C1QTNF3: variants seen among roughly 807,000 people sequenced by gnomAD.
The protein encoded by C1QTNF3 is C1q and TNF related 3.
Under a neutral mutation model 32.6 loss-of-function variants are expected in C1QTNF3, and 26 were observed. The observed-to-expected ratio is 0.80, with a 90% CI of 0.58 to 1.11. The LOEUF (loss-of-function observed/expected upper bound fraction) is 1.11, where lower values mean the gene tolerates loss of function less well. Ranked by LOEUF, C1QTNF3 falls within the 50% of genes least tolerant of loss-of-function variation. The pLI is 0.00. For synonymous variants in C1QTNF3, 155 were observed against 146.0 expected (o/e 1.06, Z -0.44); for missense variants, 362 against 398.2 (o/e 0.91, Z 0.77).
At chr5:34,171,214 T>C in the C1QTNF3 span, among the ~76,000 whole-genome samples, 1 of 151,326 alleles carries the variant, frequency 6.6e-6, no homozygotes, top group African/African-American at 2.4e-5. Context: ...GTTCAGGGTT[T>C]CCACCGAGAT....
the C1QTNF3 span, among the ~76,000 whole-genome samples, chr5:34,209,135 T>C: frequency 3.3e-5 from 5 of 152,282 alleles, no homozygotes; most frequent in African/African-American, 9.6e-5. Flanking sequence ...TCTAGGGAGA[T>C]ATTACACCTT....
chr5:34,160,921 GAA>G, the C1QTNF3 span, among the ~76,000 whole-genome samples: 1 of 151,968 alleles, frequency 6.6e-6, no homozygotes, highest in Non-Finnish European at 1.5e-5. Context: ...AAAAAAGAAA[GAA>G]TAAGAATTTC....
the C1QTNF3 span, among the ~76,000 whole-genome samples, chr5:34,156,776 T>C: frequency 5.6e-4 from 85 of 152,166 alleles, no homozygotes; most frequent in African/African-American, 1.6e-3. Flanking sequence ...TGGAAGAAAT[T>C]GAAGATGAGA....
the C1QTNF3 span, among the ~76,000 whole-genome samples, chr5:34,183,577 C>T: frequency 6.7e-6 from 1 of 150,082 alleles, no homozygotes. Flanking sequence ...GTGACCCACC[C>T]GCCTCAGTCT....
At chr5:34,026,031 G>GC (rs1200676890) in intron 4 of C1QTNF3, among the ~76,000 whole-genome samples, 11 of 152,072 alleles carry the variant, frequency 7.2e-5, no homozygotes, top group African/African-American at 2.4e-4. Flanking sequence ...AATCTGACAG[G>GC]GCCACTGCCT....
At chr5:34,177,709 G>C in the C1QTNF3 span, among the ~76,000 whole-genome samples, 2 of 151,338 alleles carry the variant, frequency 1.3e-5, no homozygotes, top group African/African-American at 2.4e-5. Flanking sequence ...AGCTGGACTT[G>C]AACTCTTGGC....
the C1QTNF3 span, among the ~76,000 whole-genome samples, chr5:34,145,701 A>T: frequency 6.7e-3 from 1,014 of 150,982 alleles, 17 homozygotes; most frequent in African/African-American, 0.022. Context: ...AAAAAAAATC[A>T]AAAACAAAAC....
At chr5:34,161,082 T>C in the C1QTNF3 span, among the ~76,000 whole-genome samples, 1 of 152,192 alleles carries the variant, frequency 6.6e-6, no homozygotes, top group Non-Finnish European at 1.5e-5. Flanking sequence ...TGACATCACT[T>C]GGCAGCTGGA....
intron 2 of C1QTNF3, 51 bp downstream of exon 2, chr5:34,035,596 A>T: frequency 7.5e-7 from 1 of 1,341,554 alleles, no homozygotes; most frequent in Non-Finnish European, 1.1e-6. Flanking sequence ...CTTTGCTCCT[A>T]CTTTAGCTCA....
At position 34,020,457 on chromosome 5, in the gene C1QTNF3, C is replaced by T. The variant is rs190406574; in HGVS notation, c.*126G>A. The T allele has an allele frequency of 3.5e-4, 405 of 1,163,508 alleles. No homozygotes were observed. The highest frequency in any genetic ancestry group is 4.8e-4 in the Non-Finnish European group (388 of 814,424). 72.1% of individuals were successfully genotyped at this position (1,163,508 alleles called of 1,614,324 possible). ...ATTATTGGTGTACCTGTAGCGTGAA[C>T]AACATTGCAACCAATAATTTTTTGA... On this transcript the variant is annotated 3_prime_UTR_variant, in exon 6 of 6. Coordinates refer to ENST00000382065, the MANE Select transcript of C1QTNF3 (RefSeq NM_181435.6).
the C1QTNF3 span, among the ~76,000 whole-genome samples, chr5:34,066,057 C>T: frequency 2.0e-5 from 3 of 152,040 alleles, no homozygotes; most frequent in Non-Finnish European, 2.9e-5. Flanking sequence ...GGTGTTATTC[C>T]CTTACCAGCT....
chr5:34,146,413 A>T, the C1QTNF3 span, among the ~76,000 whole-genome samples: 70 of 152,334 alleles, frequency 4.6e-4, no homozygotes, highest in East Asian at 0.012. Flanking sequence ...CAAAGTTCAA[A>T]CTATACTGTA....
At chr5:34,111,266 G>A in the C1QTNF3 span, among the ~76,000 whole-genome samples, 65 of 151,832 alleles carry the variant, frequency 4.3e-4, no homozygotes, top group African/African-American at 1.5e-3. Flanking sequence ...GGTGATAAAC[G>A]AAGGTGGCTT....
chr5:34,215,131 TCAGTA>T, the C1QTNF3 span, among the ~76,000 whole-genome samples: 2 of 152,162 alleles, frequency 1.3e-5, no homozygotes, highest in South Asian at 2.1e-4. Context: ...GGGATAGAAA[TCAGTA>T]CAGTAAAGAA....
At chr5:34,178,349 T>A in the C1QTNF3 span, among the ~76,000 whole-genome samples, 5 of 152,204 alleles carry the variant, frequency 3.3e-5, no homozygotes, top group Admixed American at 3.3e-4. Context: ...CCACAAACCA[T>A]TTCCCCTTAC....
the C1QTNF3 span, among the ~76,000 whole-genome samples, chr5:34,205,779 ATTGT>A: frequency 6.7e-6 from 1 of 149,202 alleles, no homozygotes; most frequent in African/African-American, 2.5e-5. Flanking sequence ...GAATATACAC[ATTGT>A]TTCTTTGCTC....
upstream of C1QTNF3, chr5:34,043,248 G>T (rs933096558): frequency 3.8e-6 from 4 of 1,046,886 alleles, no homozygotes; most frequent in African/African-American, 1.6e-5. Context: ...TTATACTTTG[G>T]TGTGTAATAA....
At chr5:34,088,662 C>CT in the C1QTNF3 span, among the ~76,000 whole-genome samples, 2 of 152,014 alleles carry the variant, frequency 1.3e-5, no homozygotes, top group Non-Finnish European at 2.9e-5. Flanking sequence ...CAACTGGGTG[C>CT]TTTTTTGCTT....
chr5:34,156,102 G>A, the C1QTNF3 span, among the ~76,000 whole-genome samples: 10 of 152,166 alleles, frequency 6.6e-5, no homozygotes, highest in Admixed American at 2.0e-4. Flanking sequence ...ACAGAATCTC[G>A]CTGTGCCACC....
Sources: gnomAD v4.1 joint callset for allele counts (sites outside exome capture counted in the v4.1 genomes callset) on GRCh38, gnomAD v4.1.1 for gene constraint, MANE v1.5 for transcripts, NCBI Gene and HGNC (gene_info 2026-07-23, HGNC 2026-07-21) for gene names.